The following TRAF3IP1 variants were observed in gnomAD, a reference collection of about 807,000 sequenced individuals.
TRAF3IP1 encodes TRAF3-interacting protein 1.
A neutral mutation model predicts 89.9 loss-of-function variants in TRAF3IP1; 53 were observed. The observed-to-expected ratio is 0.59, with a 90% CI of 0.47 to 0.74. TRAF3IP1 has a LOEUF of 0.74. TRAF3IP1 is among the 30% of genes least tolerant of loss of function. TRAF3IP1 has a pLI of 0.00. For synonymous variants in TRAF3IP1, 311 were observed against 322.1 expected (o/e 0.97, Z 0.37); for missense variants, 806 against 866.1 (o/e 0.93, Z 0.87).
At chr2:238,366,069 T>C (rs899441615) in intron 15 of TRAF3IP1, among the ~76,000 whole-genome samples, 3 of 151,936 alleles carry the variant, frequency 2.0e-5, no homozygotes, top group African/African-American at 7.3e-5. Flanking sequence ...TATGGTGAAA[T>C]CCCATCTCTA....
chr2:238,394,281 C>G (rs1574980569), intron 15 of TRAF3IP1, among the ~76,000 whole-genome samples: 1 of 152,152 alleles, frequency 6.6e-6, no homozygotes, highest in East Asian at 1.9e-4. Flanking sequence ...AGTTCCTTTG[C>G]CTTTCTGTAT....
At chr2:238,392,775 C>T (rs1701049956) in intron 15 of TRAF3IP1, among the ~76,000 whole-genome samples, 1 of 152,198 alleles carries the variant, frequency 6.6e-6, no homozygotes, top group South Asian at 2.1e-4. Flanking sequence ...GGGGTTTTGC[C>T]ATGTTGGTCA....
chr2:238,386,438 A>G (rs1700777005), intron 15 of TRAF3IP1, among the ~76,000 whole-genome samples: 1 of 152,052 alleles, frequency 6.6e-6, no homozygotes, highest in Non-Finnish European at 1.5e-5. Flanking sequence ...TCAGCCTCCC[A>G]AGTAGCTGGG....
At chr2:238,343,363 C>T (rs915527675) in intron 8 of TRAF3IP1, among the ~76,000 whole-genome samples, 3 of 152,128 alleles carry the variant, frequency 2.0e-5, no homozygotes, top group African/African-American at 4.8e-5. Flanking sequence ...GGATTATAGG[C>T]GTGAGCCACC....
chr2:238,381,088 C>G (rs955164751), intron 15 of TRAF3IP1, among the ~76,000 whole-genome samples: 1 of 148,692 alleles, frequency 6.7e-6, no homozygotes, highest in Non-Finnish European at 1.5e-5. Flanking sequence ...GCCACAATGA[C>G]GGGATTTGGG....
intron 8 of TRAF3IP1, 94 bp downstream of exon 8, chr2:238,338,551 T>C (rs966294820): frequency 8.8e-6 from 6 of 679,074 alleles, no homozygotes; most frequent in Non-Finnish European, 1.4e-5. Flanking sequence ...AAAATTATTC[T>C]AACTACTTTA....
rs1289616478 is a variant in TRAF3IP1, at chr2:238,379,276, C to T, written c.1690-18183C>T. On this transcript the variant is annotated intron_variant, in intron 15 of 16. Transcript: ENST00000373327. The surrounding 1 kb of genome is among the most constrained non-coding windows in gnomAD (Gnocchi z 4.0). ...TCCTGTCCACCTAGCTGTGTGGGGC[C>T]TCAGCCGCACACTCACCATCTCTGA... Among the ~76,000 whole-genome samples the T allele has an allele frequency of 7.2e-5, 11 of 152,326 alleles. 1 individual carries two copies. The East Asian group carries it at 2.1e-3, about 29-fold the overall frequency.
intron 10 of TRAF3IP1, among the ~76,000 whole-genome samples, chr2:238,348,481 G>C (rs1334142282): frequency 6.6e-6 from 1 of 152,126 alleles, no homozygotes; most frequent in African/African-American, 2.4e-5. Flanking sequence ...TAAGTGCTCA[G>C]TTGATCAGCC....
chr2:238,383,093 G>A (rs571811306), intron 15 of TRAF3IP1, among the ~76,000 whole-genome samples: 59 of 152,224 alleles, frequency 3.9e-4, no homozygotes, highest in Non-Finnish European at 6.3e-4. Flanking sequence ...GAACCTGCTG[G>A]TGGTTTTCAC....
chr2:238,364,952 G>A (rs1195588536), intron 15 of TRAF3IP1, among the ~76,000 whole-genome samples: 2 of 152,202 alleles, frequency 1.3e-5, no homozygotes, highest in Non-Finnish European at 2.9e-5. Context: ...AGAATGACTA[G>A]CATGGATGAC....
chr2:238,345,646 T>C lies in TRAF3IP1; in HGVS notation c.1261+1048T>C, dbSNP rs943080911. ...ATTGTGCAGAGAAGAGAGAGAGGCCTGGACTGTGGAGGCGCCCTGGGAGGG... is the reference window on the plus strand; with the variant it reads ...ATTGTGCAGAGAAGAGAGAGAGGCCCGGACTGTGGAGGCGCCCTGGGAGGG... On this transcript the variant is annotated intron_variant, in intron 9 of 16. Transcript: ENST00000373327. The surrounding 1 kb of genome is among the most constrained non-coding windows in gnomAD (Gnocchi z 4.7). Among the ~76,000 whole-genome samples, 3 of 152,008 alleles carry C rather than the reference T, an allele frequency of 2.0e-5. No individual in the cohort carries two copies. Among genetic ancestry groups the C allele is most frequent in the African/African-American group, 7.2e-5 (3 of 41,380 alleles).
intron 15 of TRAF3IP1, among the ~76,000 whole-genome samples, chr2:238,390,366 A>G (rs1365492667): frequency 6.6e-6 from 1 of 152,226 alleles, no homozygotes; most frequent in Non-Finnish European, 1.5e-5. Context: ...TGGGTTATTT[A>G]TATTCTTAAA....
chr2:238,379,129 G>T lies in TRAF3IP1; in HGVS notation c.1690-18330G>T, dbSNP rs1700444376. Among the ~76,000 whole-genome samples, 1 of 152,166 alleles carries T rather than the reference G, an allele frequency of 6.6e-6. No individual in the cohort carries two copies. The highest frequency in any genetic ancestry group is 2.4e-5 in the African/African-American group (1 of 41,432). The stretch of plus-strand genomic sequence containing the variant: ...GTCGACTCACTCTTTGGTCGTCTGT[G>T]TGTCACTGGGGGCCTGTTTTCTTGC... On this transcript the variant is annotated intron_variant, in intron 15 of 16. Transcript: ENST00000373327. The surrounding 1 kb of genome is among the most constrained non-coding windows in gnomAD (Gnocchi z 4.0).
In TRAF3IP1 at chr2:238,333,973, C is replaced by G; in HGVS notation, c.1001C>G (p.Thr334Ser). 1 of 1,609,168 alleles carries G rather than the reference C, an allele frequency of 6.2e-7. No homozygotes were observed. Among genetic ancestry groups the G allele is most frequent in the Non-Finnish European group, 8.5e-7 (1 of 1,177,280 alleles). Residue 334 changes from threonine to serine, a missense_variant, in exon 7 of 17, where the codon ACT (threonine) becomes AGT (serine). Thr to Ser is a moderately conservative substitution (Grantham distance 58). Transcript: ENST00000373327. ...SKAETETEIS[T>S]RASKSLTTKT... ...TTTTTCTTTAAGACTGAGATTTCCACTAGAGCTTCCAAGTCATTGACAACA... is the reference window on the plus strand; with the variant it reads ...TTTTTCTTTAAGACTGAGATTTCCAGTAGAGCTTCCAAGTCATTGACAACA...
Position 238,381,041 on chromosome 2 carries a change from C to T in TRAF3IP1, c.1690-16418C>T, listed in dbSNP as rs529114386. Among the ~76,000 whole-genome samples the T allele has an allele frequency of 6.6e-5, 10 of 150,808 alleles. No homozygotes were observed. The East Asian group carries it at 1.9e-3, about 29-fold the overall frequency. ...TCCTGAGGATACTCTCAAAAGGCTT[C>T]ATCTGTCCTATTTACAGAATAGCAA... On this transcript the variant is annotated intron_variant, in intron 15 of 16. Transcript: ENST00000373327.
At chr2:238,392,047 T>C (rs1271618037) in intron 15 of TRAF3IP1, among the ~76,000 whole-genome samples, 1 of 152,230 alleles carries the variant, frequency 6.6e-6, no homozygotes, top group Non-Finnish European at 1.5e-5. Context: ...AAACGTTTGA[T>C]ATAACCATAG....
At chr2:238,369,373 G>C (rs747944584) in intron 15 of TRAF3IP1, among the ~76,000 whole-genome samples, 2 of 152,224 alleles carry the variant, frequency 1.3e-5, no homozygotes, top group African/African-American at 2.4e-5. Flanking sequence ...GCGTTCCACT[G>C]TCTTCCATGC....
At position 238,345,056 on chromosome 2, in the gene TRAF3IP1, T is replaced by C. The variant is rs139813716; in HGVS notation, c.1261+458T>C. On this transcript the variant is annotated intron_variant, in intron 9 of 16. Coordinates refer to ENST00000373327, the MANE Select transcript of TRAF3IP1 (RefSeq NM_015650.4). This position sits in a 1 kb window ranked among gnomAD's most constrained non-coding sequence, Gnocchi z 4.7. ...ATTTTCTCAGCCTTTAAAAAAACTTTGGTAAAATAGCCATTCAATGTTTGT... is the reference window on the plus strand; with the variant it reads ...ATTTTCTCAGCCTTTAAAAAAACTTCGGTAAAATAGCCATTCAATGTTTGT... 3.6e-4 allele frequency among the ~76,000 whole-genome samples: 55 copies of C among 152,322 alleles called. No individual in the cohort carries two copies. The East Asian group carries it at 0.01, about 28-fold the overall frequency.
At chr2:238,369,812 C>G (rs1420776672) in intron 15 of TRAF3IP1, among the ~76,000 whole-genome samples, 1 of 152,172 alleles carries the variant, frequency 6.6e-6, no homozygotes, top group East Asian at 1.9e-4. Context: ...CTGTGCTTCA[C>G]TAAGTTTAAT....
Sources: allele counts gnomAD v4.1 joint callset (sites outside exome capture counted in the v4.1 genomes callset), GRCh38; gene constraint gnomAD v4.1.1; non-coding constraint Gnocchi (gnomAD v3.1); transcripts MANE v1.5; gene names NCBI Gene and HGNC (gene_info 2026-07-23, HGNC 2026-07-21).